GRAMD1B: variants seen among roughly 807,000 people sequenced by gnomAD.
The protein encoded by GRAMD1B is protein Aster-B.
GRAMD1B carries 37 observed loss-of-function variants against 99.7 expected under a neutral mutation model. The observed-to-expected ratio is 0.37, with a 90% CI of 0.29 to 0.49. GRAMD1B has a LOEUF of 0.49. Among genes scored for constraint, GRAMD1B ranks in the 20% least tolerant of loss-of-function variants. The probability of loss-of-function intolerance (pLI) is 0.98; values close to 1 mark genes in which losing one functional copy is unlikely to be tolerated. For synonymous variants in GRAMD1B, 427 were observed against 387.6 expected (o/e 1.10, Z -1.19); for missense variants, 888 against 1,009.2 (o/e 0.88, Z 1.63).
intron 1 of GRAMD1B, among the ~76,000 whole-genome samples, chr11:123,415,723 G>A (rs1350671306): frequency 6.6e-6 from 1 of 152,010 alleles, no homozygotes; most frequent in East Asian, 1.9e-4. Context: ...ATTTAATAGC[G>A]ACTCTCCTGT....
intron 2 of GRAMD1B, chr11:123,560,536 C>T: frequency 8.1e-7 from 1 of 1,234,080 alleles, no homozygotes; most frequent in East Asian, 5.6e-5. Flanking sequence ...AGGTGAGTGC[C>T]CTCCAGCCTC....
intron 2 of GRAMD1B, among the ~76,000 whole-genome samples, chr11:123,516,625 A>G (rs1026049516): frequency 4.6e-5 from 7 of 152,200 alleles, no homozygotes; most frequent in African/African-American, 1.7e-4. Flanking sequence ...GACAGACTTA[A>G]TGTAAGTCAG....
At chr11:123,437,853 G>A (rs908072287) in intron 1 of GRAMD1B, among the ~76,000 whole-genome samples, 2 of 152,172 alleles carry the variant, frequency 1.3e-5, no homozygotes, top group African/African-American at 4.8e-5. Context: ...CCATTTCCAG[G>A]AGAGCAGGGT....
intron 16 of GRAMD1B, among the ~76,000 whole-genome samples, chr11:123,614,272 C>T (rs575443895): frequency 2.6e-5 from 4 of 152,118 alleles, no homozygotes; most frequent in African/African-American, 7.2e-5. Context: ...TTCTGCATGC[C>T]GCCTAGCTTT....
intron 1 of GRAMD1B, among the ~76,000 whole-genome samples, chr11:123,408,139 C>T (rs1348053805): frequency 6.6e-6 from 1 of 152,198 alleles, no homozygotes; most frequent in Non-Finnish European, 1.5e-5. Flanking sequence ...ATGGTAAATC[C>T]TAAGCCAGGA....
intron 2 of GRAMD1B, among the ~76,000 whole-genome samples, chr11:123,513,614 C>CT (rs1358751356): frequency 0.044 from 4,895 of 111,020 alleles, 118 homozygotes; most frequent in Middle Eastern, 0.056. Context: ...TCCTTCCTTC[C>CT]TTCCTTTCTT....
At chr11:123,441,987 G>T (rs1949429962) in intron 1 of GRAMD1B, among the ~76,000 whole-genome samples, 1 of 152,138 alleles carries the variant, frequency 6.6e-6, no homozygotes, top group South Asian at 2.1e-4. Context: ...CATGCGTTGA[G>T]GATAGAGAAT....
intron 5 of GRAMD1B, 88 bp downstream of exon 5, chr11:123,594,254 A>T: frequency 1.1e-6 from 1 of 869,768 alleles, no homozygotes; most frequent in African/African-American, 1.6e-5. Context: ...AGAGGCCTCA[A>T]GCCAACCCAG....
intron 1 of GRAMD1B, among the ~76,000 whole-genome samples, chr11:123,466,298 GAA>G (rs1236512256): frequency 1.5e-5 from 2 of 137,870 alleles, no homozygotes; most frequent in African/African-American, 5.5e-5. Context: ...GGAAAAGAAA[GAA>G]AGAGAGAGAG....
intron 6 of GRAMD1B, among the ~76,000 whole-genome samples, chr11:123,595,138 A>T (rs1393315821): frequency 6.6e-6 from 1 of 152,164 alleles, no homozygotes; most frequent in African/African-American, 2.4e-5. Flanking sequence ...AGTCAAGTAG[A>T]AAGGGCTTTG....
chr11:123,580,918 A>C (rs1186559198), intron 3 of GRAMD1B, among the ~76,000 whole-genome samples: 2 of 147,222 alleles, frequency 1.4e-5, no homozygotes. Context: ...TTTTTTTTCA[A>C]ATCTAATTTT....
At chr11:123,387,533 G>C (rs1389685109) in intron 1 of GRAMD1B, among the ~76,000 whole-genome samples, 3 of 152,198 alleles carry the variant, frequency 2.0e-5, no homozygotes, top group African/African-American at 7.2e-5. Context: ...AGGTGAGTGG[G>C]TTTGGAGGGC....
chr11:123,552,273 C>CTTTTTTTTTTTTTTT (rs71060514), intron 2 of GRAMD1B, among the ~76,000 whole-genome samples: 4 of 119,368 alleles, frequency 3.4e-5, no homozygotes, highest in Non-Finnish European at 6.7e-5. Context: ...CTCTTTCTTT[C>CTTTTTTTTTTTTTTT]TTTTTTTTTT....
At chr11:123,375,366 C>T (rs145780079) in intron 1 of GRAMD1B, among the ~76,000 whole-genome samples, 133 of 152,052 alleles carry the variant, frequency 8.7e-4, no homozygotes, top group Middle Eastern at 3.4e-3. Context: ...TGAGACCAGC[C>T]TGGGCAACAT....
At chr11:123,468,679 C>T (rs1950828583) in intron 1 of GRAMD1B, among the ~76,000 whole-genome samples, 1 of 151,648 alleles carries the variant, frequency 6.6e-6, no homozygotes. Context: ...ACTGTATAGT[C>T]CCAGCTACTC....
chr11:123,522,486 T>C (rs1185363034), intron 2 of GRAMD1B, among the ~76,000 whole-genome samples: 1 of 152,076 alleles, frequency 6.6e-6, no homozygotes, highest in African/African-American at 2.4e-5. Context: ...GCGTGGCTAA[T>C]TTTTGTATTT....
upstream of GRAMD1B, among the ~76,000 whole-genome samples, chr11:123,425,320 C>A (rs558442085): frequency 6.6e-6 from 1 of 152,228 alleles, no homozygotes; most frequent in Non-Finnish European, 1.5e-5. Context: ...ACCTGCTTTC[C>A]TTGGGATGGG....
upstream of GRAMD1B, among the ~76,000 whole-genome samples, chr11:123,425,663 C>T (rs1020498564): frequency 5.3e-5 from 8 of 152,146 alleles, no homozygotes; most frequent in Admixed American, 4.6e-4. Context: ...GCTCTATTCT[C>T]GGAAACTGAG....
At chr11:123,436,805 AG>A (rs537252300) in intron 1 of GRAMD1B, among the ~76,000 whole-genome samples, 66 of 152,246 alleles carry the variant, frequency 4.3e-4, no homozygotes, top group Middle Eastern at 6.8e-3. Context: ...CACAATGTGC[AG>A]GTTTGTTACA....
Sources: gnomAD v4.1 joint callset for allele counts (sites outside exome capture counted in the v4.1 genomes callset) on GRCh38, gnomAD v4.1.1 for gene constraint, MANE v1.5 for transcripts, NCBI Gene and HGNC (gene_info 2026-07-23, HGNC 2026-07-21) for gene names.